ADCY5: variants seen among roughly 807,000 people sequenced by gnomAD.
The protein encoded by ADCY5 is adenylate cyclase type 5.
In ADCY5, 30 loss-of-function variants were observed where a neutral mutation model predicts 119.7. The ratio of observed to expected loss-of-function variants is 0.25; its 90% CI spans 0.19 to 0.34. The LOEUF (loss-of-function observed/expected upper bound fraction) is 0.34, where lower values mean the gene tolerates loss of function less well. ADCY5 is among the 10% of genes least tolerant of loss of function. ADCY5 has a pLI of 1.00. For synonymous variants in ADCY5, 753 were observed against 762.2 expected (o/e 0.99, Z 0.20); for missense variants, 1,324 against 1,775.2 (o/e 0.75, Z 4.57).
chr3:123,347,353 C>A (rs1942609360), intron 3 of ADCY5, among the ~76,000 whole-genome samples: 2 of 152,140 alleles, frequency 1.3e-5, no homozygotes, highest in Admixed American at 1.3e-4. Flanking sequence ...ATAAGGTGGG[C>A]AGAGCCTGGC....
intron 15 of ADCY5, among the ~76,000 whole-genome samples, chr3:123,298,413 G>C (rs886227859): frequency 1.3e-5 from 2 of 152,142 alleles, no homozygotes; most frequent in Non-Finnish European, 2.9e-5. Context: ...AGCAGTAAGA[G>C]GAGGGCAACA....
intron 2 of ADCY5, among the ~76,000 whole-genome samples, chr3:123,351,459 C>T (rs921815817): frequency 5.3e-5 from 8 of 152,180 alleles, no homozygotes; most frequent in African/African-American, 1.9e-4. Context: ...TGGGGGCTGA[C>T]GCAGCATGCG....
chr3:123,290,977 C>T lies in ADCY5; in HGVS notation c.3327+136G>A, dbSNP rs13096385. ...GCACCTGGGGACACGGTCAGGTTCC[C>T]GCCGGCAGAGCTCCCATCATCACTG... On this transcript the variant is annotated intron_variant, in intron 18 of 20. Transcript: ENST00000462833. The T allele has an allele frequency of 0.13, 161,947 of 1,212,028 alleles. 11,774 individuals carry two copies. The highest frequency in any genetic ancestry group is 0.2 in the Middle Eastern group (689 of 3,444). The allele number at this position is 1,212,028 out of a possible 1,614,324, so 75.1% of individuals were successfully genotyped here. A position where few individuals can be genotyped will look rare whatever the true frequency, so the allele number is the denominator to read the frequency against.
At chr3:123,291,671 A>C (rs1207937091) in intron 17 of ADCY5, among the ~76,000 whole-genome samples, 1 of 152,146 alleles carries the variant, frequency 6.6e-6, no homozygotes, top group Admixed American at 6.5e-5. Flanking sequence ...GAGCAGGAAC[A>C]AGCCTGGAGG....
chr3:123,440,125 T>C (rs1228843363), intron 1 of ADCY5, among the ~76,000 whole-genome samples: 4 of 152,190 alleles, frequency 2.6e-5, no homozygotes, highest in Non-Finnish European at 4.4e-5. Flanking sequence ...CACCCATTCA[T>C]TCATTTGCTT....
At chr3:123,285,603 A>T (rs1938692912) in intron 20 of ADCY5, among the ~76,000 whole-genome samples, 1 of 152,184 alleles carries the variant, frequency 6.6e-6, no homozygotes, top group Non-Finnish European at 1.5e-5. Flanking sequence ...GGCTGCTGAG[A>T]GGGGACCCCA....
At chr3:123,443,023 C>A (rs1402529421) in intron 1 of ADCY5, among the ~76,000 whole-genome samples, 1 of 152,106 alleles carries the variant, frequency 6.6e-6, no homozygotes, top group East Asian at 1.9e-4. Flanking sequence ...ATAGGGAAAG[C>A]AATTGGTGGC....
In ADCY5 at chr3:123,364,769, T is replaced by C. The variant is rs1042202223; in HGVS notation, c.1135-12188A>G. On this transcript the variant is annotated intron_variant, in intron 1 of 20. Transcript: ENST00000462833. ...TTCATTACGGAACACTTCGAAATCA[T>C]AGAAAAGGAAAAAAAAATCAATTAT... Among the ~76,000 whole-genome samples, 7 of 151,770 alleles carry C rather than the reference T, an allele frequency of 4.6e-5. No individual in the cohort carries two copies. In the South Asian group the frequency reaches 8.3e-4, roughly 18 times the overall value.
chr3:123,383,413 C>T (rs956245938), intron 1 of ADCY5, among the ~76,000 whole-genome samples: 1 of 152,228 alleles, frequency 6.6e-6, no homozygotes, highest in Non-Finnish European at 1.5e-5. Context: ...CCCACTCTCT[C>T]CACTCATGGC....
chr3:123,440,643 C>G (rs528132209), intron 1 of ADCY5, among the ~76,000 whole-genome samples: 5 of 152,284 alleles, frequency 3.3e-5, no homozygotes, highest in East Asian at 3.9e-4. Context: ...TCCTCCACCC[C>G]CTGACTTCCT....
At position 123,319,801 on chromosome 3, in the gene ADCY5, G is replaced by C. The variant is rs140176741; in HGVS notation, c.2129C>G (p.Ala710Gly). Residue 710 changes from alanine (A) to glycine (G), a missense_variant, in exon 10 of 21, where the codon GCG becomes GGG. This residue lies in a region of ADCY5 where 424 missense variants were observed against 546.8 expected (regional missense o/e 0.78). Coordinates refer to ENST00000462833, the MANE Select transcript of ADCY5 (RefSeq NM_183357.3). ...CTCATCCACTTCATCCTCAGGGTTC[G>C]CACTCTCCTGGGCGTTCCTGGGGAG... ...DPKDKNAQESANPEDEVDEFL... is the reference protein window; with the variant it reads ...DPKDKNAQESGNPEDEVDEFL... 1.9e-6 allele frequency: 3 copies of C among 1,614,104 alleles called. No homozygotes were observed. In the South Asian group the frequency reaches 3.3e-5, roughly 18 times the overall value.
chr3:123,381,723 C>G (rs780219315), intron 1 of ADCY5, among the ~76,000 whole-genome samples: 3 of 152,336 alleles, frequency 2.0e-5, no homozygotes, highest in Admixed American at 6.5e-5. Flanking sequence ...CTCCCGCTGG[C>G]TTCCATCGCT....
At chr3:123,382,229 T>C (rs1232769963) in intron 1 of ADCY5, among the ~76,000 whole-genome samples, 1 of 152,170 alleles carries the variant, frequency 6.6e-6, no homozygotes, top group African/African-American at 2.4e-5. Flanking sequence ...CATCATCTCA[T>C]CTATAAAGGA....
At chr3:123,361,729 T>C (rs1310018895) in intron 1 of ADCY5, among the ~76,000 whole-genome samples, 1 of 152,206 alleles carries the variant, frequency 6.6e-6, no homozygotes, top group African/African-American at 2.4e-5. Flanking sequence ...CTGGAATACT[T>C]GCATATACAT....
chr3:123,397,361 C>A (rs1017693080), intron 1 of ADCY5, among the ~76,000 whole-genome samples: 1 of 152,194 alleles, frequency 6.6e-6, no homozygotes, highest in Non-Finnish European at 1.5e-5. Context: ...GCTGGCCAGG[C>A]GCAGTGGCTC....
In ADCY5 at chr3:123,352,421, G is replaced by T; in HGVS notation, c.1284+11C>A. 6.2e-7 allele frequency: 1 copy of T among 1,609,334 alleles called. No individual in the cohort carries two copies. The highest frequency in any genetic ancestry group is 8.5e-7 in the Non-Finnish European group (1 of 1,178,924). On this transcript the variant is annotated intron_variant, in intron 2 of 20. Transcript: ENST00000462833. This position sits in a 1 kb window ranked among gnomAD's most constrained non-coding sequence, Gnocchi z 4.8. ...TCCGTCCCACTGTGCAAGGGCAGGG[G>T]CCTCACTCACCTGCTGCTGGTTCTC...
At chr3:123,300,498 A>G (rs568235502) in intron 14 of ADCY5, among the ~76,000 whole-genome samples, 1 of 152,328 alleles carries the variant, frequency 6.6e-6, no homozygotes, top group South Asian at 2.1e-4. Flanking sequence ...GAGTCTGGCC[A>G]TTGCCTGCAG....
At chr3:123,372,165 C>G (rs767118494) in intron 1 of ADCY5, among the ~76,000 whole-genome samples, 9 of 152,126 alleles carry the variant, frequency 5.9e-5, no homozygotes, top group Non-Finnish European at 8.8e-5. Flanking sequence ...TCTCTCACCT[C>G]AATTTGCCCC....
intron 1 of ADCY5, among the ~76,000 whole-genome samples, chr3:123,376,113 G>A (rs1943823621): frequency 6.6e-6 from 1 of 152,056 alleles, no homozygotes; most frequent in Non-Finnish European, 1.5e-5. Context: ...AGTCCTGCCT[G>A]TTTCAGCGGG....
Sources: gnomAD v4.1 joint callset for allele counts (sites outside exome capture counted in the v4.1 genomes callset) on GRCh38, gnomAD v4.1.1 for gene constraint, gnomAD v4.1.1 regional missense constraint, Gnocchi (gnomAD v3.1) non-coding constraint, MANE v1.5 for transcripts, NCBI Gene and HGNC (gene_info 2026-07-23, HGNC 2026-07-21) for gene names.